Variants in SETD2 observed in about 807,000 individuals in gnomAD.
SETD2 encodes the protein histone-lysine N-methyltransferase SETD2.
In SETD2, 31 loss-of-function variants were observed where a neutral mutation model predicts 242.1. The observed-to-expected ratio is 0.13, with a 90% confidence interval of 0.10 to 0.17. The LOEUF is 0.17. Ranked by LOEUF, SETD2 falls within the 10% of genes least tolerant of loss-of-function variation. SETD2 has a pLI of 1.00. For synonymous variants in SETD2, 1,006 were observed against 1,066.5 expected (o/e 0.94, Z 1.11); for missense variants, 2,481 against 3,046.3 (o/e 0.81, Z 4.37).
At chr3:47,153,656 G>C (rs1392513397) in intron 1 of SETD2, among the ~76,000 whole-genome samples, 1 of 152,122 alleles carries the variant, frequency 6.6e-6, no homozygotes. Flanking sequence ...GGGAGGCTGA[G>C]GCAGGAGGAT....
intron 8 of SETD2, among the ~76,000 whole-genome samples, chr3:47,100,389 T>C (rs1316584116): frequency 6.6e-6 from 1 of 151,958 alleles, no homozygotes; most frequent in Non-Finnish European, 1.5e-5. Context: ...GCCTCCAGAG[T>C]AGCTGGGATT....
At position 47,017,751 on chromosome 3, in the gene SETD2, G is replaced by T; in HGVS notation, c.7432-12C>A. 6.3e-7 allele frequency: 1 copy of T among 1,595,806 alleles called. No individual in the cohort carries two copies. Among genetic ancestry groups the T allele is most frequent in the Non-Finnish European group, 8.6e-7 (1 of 1,163,282 alleles). The stretch of plus-strand genomic sequence containing the variant: ...ATGAACTGGGACATCTGCAGGCAGA[G>T]AAAAGAGAACACGTTGCTCAACAGT... On this transcript the variant is annotated splice_polypyrimidine_tract_variant and intron_variant, in intron 19 of 20. Coordinates refer to ENST00000409792, the MANE Select transcript of SETD2 (RefSeq NM_014159.7). This position sits in a 1 kb window ranked among gnomAD's most constrained non-coding sequence, Gnocchi z 4.8.
chr3:47,121,893 T>C lies in SETD2; in HGVS notation c.2743A>G (p.Lys915Glu), dbSNP rs941629399. 1 of 1,614,036 alleles carries C rather than the reference T, an allele frequency of 6.2e-7. No homozygotes were observed. Among genetic ancestry groups the C allele is most frequent in the South Asian group, 1.1e-5 (1 of 91,084 alleles). Residue 915 changes from lysine to glutamate, a missense_variant, in exon 3 of 21, where the codon AAA (lysine) becomes GAA (glutamate). By Grantham distance (56) the Lys-to-Glu change is moderately conservative. Around this residue, in one of 17 missense-constraint regions of SETD2, gnomAD observed 1,300 missense variants for 1,259.2 expected, o/e 1.03. Transcript: ENST00000409792. ...SPVLDAVLKS[K>E]KSSEFLKHAG... is the part of the protein sequence containing the mutation. ...TGCTTTAAAAACTCTGAACTTTTTT[T>C]ACTCTTTAGCACTGCATCCAGAACT...
chr3:47,037,805 G>T, intron 17 of SETD2, 28 bp from the exon 18 acceptor site: 1 of 1,514,892 alleles, frequency 6.6e-7, no homozygotes, highest in Non-Finnish European at 9.2e-7. Flanking sequence ...CAGCCATGCT[G>T]TCAGGGCTAG....
intron 18 of SETD2, among the ~76,000 whole-genome samples, chr3:47,036,672 G>A (rs1269456996): frequency 1.3e-5 from 2 of 151,864 alleles, no homozygotes; most frequent in East Asian, 3.9e-4. Flanking sequence ...GGAGGCCAAG[G>A]CAGGCAGATC....
At chr3:47,068,708 G>T (rs1043541582) in intron 12 of SETD2, among the ~76,000 whole-genome samples, 10 of 152,084 alleles carry the variant, frequency 6.6e-5, no homozygotes, top group African/African-American at 2.2e-4. Context: ...TGTTAGCCAG[G>T]TTGGTCTCGA....
chr3:47,080,749 G>A (rs2041285506), intron 12 of SETD2: 1 of 971,178 alleles, frequency 1.0e-6, no homozygotes, highest in Non-Finnish European at 1.2e-6. Context: ...TGTAAGCCTT[G>A]TGGAGTCAAG....
chr3:47,114,290 A>G (rs564046647), intron 4 of SETD2, among the ~76,000 whole-genome samples: 26 of 152,324 alleles, frequency 1.7e-4, no homozygotes, highest in African/African-American at 6.3e-4. Flanking sequence ...ATACATTTTC[A>G]GGCTGCATGT....
chr3:47,068,596 A>G (rs2040672673), intron 12 of SETD2, among the ~76,000 whole-genome samples: 1 of 150,322 alleles, frequency 6.7e-6, no homozygotes. Flanking sequence ...TCCTGGGTTC[A>G]AGCAATTCTC....
intron 18 of SETD2, among the ~76,000 whole-genome samples, chr3:47,024,990 GC>G (rs1202646591): frequency 6.6e-6 from 1 of 152,178 alleles, no homozygotes; most frequent in East Asian, 1.9e-4. Context: ...ATCATCAAAA[GC>G]TTTTACTACC....
At chr3:47,033,074 G>C (rs1477412843) in intron 18 of SETD2, among the ~76,000 whole-genome samples, 1 of 151,962 alleles carries the variant, frequency 6.6e-6, no homozygotes, top group Non-Finnish European at 1.5e-5. Context: ...CCATACAAAG[G>C]TTCATATTCT....
chr3:47,027,198 C>T (rs145076585), intron 18 of SETD2, among the ~76,000 whole-genome samples: 4,626 of 151,770 alleles, frequency 0.03, 224 homozygotes, highest in East Asian at 0.13. Flanking sequence ...ATTAGCCATG[C>T]GTGGTGGCGG....
In SETD2 at chr3:47,107,720, CGGGGGGGGGTGG is replaced by C. The variant is rs369881860; in HGVS notation, c.4716-1612_4716-1601del. On this transcript the variant is annotated intron_variant, in intron 5 of 20. Transcript: ENST00000409792. ...GAAAAAGAAAAGTCACTTTGGGTGG[CGGGGGGGGGTGG>C]GGGGGGGGTGGCAGGATTGCTTTGG... Among the ~76,000 whole-genome samples, 23 of 129,844 alleles carry C rather than the reference CGGGGGGGGGTGG, an allele frequency of 1.8e-4. No individual in the cohort carries two copies. The East Asian group carries it at 2.5e-3, about 14-fold the overall frequency. 85.2% of individuals were successfully genotyped at this position (129,844 alleles called of 152,430 possible). A position where few individuals can be genotyped will look rare whatever the true frequency, so the allele number is the denominator to read the frequency against.
At chr3:47,037,619 G>C (rs1401679991) in intron 18 of SETD2, 47 bp downstream of exon 18, 10 of 1,433,444 alleles carry the variant, frequency 7.0e-6, no homozygotes, top group Non-Finnish European at 9.8e-6. Context: ...GATGGTCTTG[G>C]ACGGACTCCC....
At chr3:47,020,786 G>A (rs538516503) in intron 18 of SETD2, among the ~76,000 whole-genome samples, 1 of 152,270 alleles carries the variant, frequency 6.6e-6, no homozygotes, top group African/African-American at 2.4e-5. Context: ...GCACAGGGTA[G>A]AATAATTTTC....
At chr3:47,133,690 G>A (rs1281882366) in intron 1 of SETD2, among the ~76,000 whole-genome samples, 2 of 152,092 alleles carry the variant, frequency 1.3e-5, no homozygotes, top group African/African-American at 4.8e-5. Context: ...CCAACATCAC[G>A]CCACTGTACT....
chr3:47,083,498 CTAAG>C (rs1383108209), intron 12 of SETD2, among the ~76,000 whole-genome samples: 5 of 152,096 alleles, frequency 3.3e-5, no homozygotes, highest in African/African-American at 1.2e-4. Flanking sequence ...ATGTACTTTT[CTAAG>C]TGACAGAAAA....
chr3:47,045,538 A>G (rs1193082113), intron 16 of SETD2, among the ~76,000 whole-genome samples: 2 of 148,980 alleles, frequency 1.3e-5, no homozygotes, highest in Admixed American at 6.7e-5. Context: ...AAAAAAAAAA[A>G]AATACAAAAA....
chr3:47,113,730 T>C, intron 5 of SETD2, 146 bp downstream of exon 5: 1 of 630,654 alleles, frequency 1.6e-6, no homozygotes, highest in Non-Finnish European at 2.5e-6. Flanking sequence ...TTCCAGCTAC[T>C]TGAGAGGCTA....
Sources: allele counts gnomAD v4.1 joint callset (sites outside exome capture counted in the v4.1 genomes callset), GRCh38; gene constraint gnomAD v4.1.1; regional missense constraint gnomAD v4.1.1; non-coding constraint Gnocchi (gnomAD v3.1); transcripts MANE v1.5; gene names NCBI Gene and HGNC (gene_info 2026-07-23, HGNC 2026-07-21).